EXOC2: variants seen among roughly 807,000 people sequenced by gnomAD.
EXOC2 encodes the protein SEC5-like 1.
A neutral mutation model predicts 131.8 loss-of-function variants in EXOC2; 70 were observed. That is an observed-to-expected ratio of 0.53 (90% CI 0.44 to 0.65). The LOEUF is 0.65. Among genes scored for constraint, EXOC2 ranks in the 30% least tolerant of loss-of-function variants. The pLI, the probability that EXOC2 is intolerant of heterozygous loss-of-function variation, is 0.00. For synonymous variants in EXOC2, 411 were observed against 398.4 expected (o/e 1.03, Z -0.38); for missense variants, 923 against 1,108.6 (o/e 0.83, Z 2.38).
At chr6:638,856 G>A (rs2127718143) in intron 1 of EXOC2, among the ~76,000 whole-genome samples, 1 of 152,284 alleles carries the variant, frequency 6.6e-6, no homozygotes, top group African/African-American at 2.4e-5. Flanking sequence ...TTGAACCCAG[G>A]AGGCGGAGGT....
intron 15 of EXOC2, 31 bp downstream of exon 15, chr6:564,514 C>T (rs754288507): frequency 1.3e-5 from 21 of 1,612,384 alleles, no homozygotes; most frequent in Non-Finnish European, 1.6e-5. Context: ...AACAGAAGTA[C>T]GCCTTTCTCT....
At chr6:634,547 T>G (rs1762009326) in intron 2 of EXOC2, among the ~76,000 whole-genome samples, 1 of 152,234 alleles carries the variant, frequency 6.6e-6, no homozygotes. Context: ...TCATCTTTTG[T>G]TCCAACTTAA....
intron 23 of EXOC2, among the ~76,000 whole-genome samples, chr6:505,600 A>T (rs956705806): frequency 3.9e-5 from 6 of 151,966 alleles, no homozygotes; most frequent in South Asian, 2.1e-4. Flanking sequence ...GCCCCACCCC[A>T]CTCTGCATTC....
At chr6:509,757 A>C (rs1581334495) in intron 23 of EXOC2, among the ~76,000 whole-genome samples, 1 of 152,174 alleles carries the variant, frequency 6.6e-6, no homozygotes, top group Non-Finnish European at 1.5e-5. Flanking sequence ...TTGTAATTGG[A>C]AAGACGGCTC....
At chr6:508,029 T>A (rs935986053) in intron 23 of EXOC2, among the ~76,000 whole-genome samples, 6 of 152,216 alleles carry the variant, frequency 3.9e-5, no homozygotes, top group Admixed American at 3.9e-4. Flanking sequence ...TTCTTCCAGA[T>A]CTTTTCCTAT....
intron 1 of EXOC2, chr6:670,400 G>A (rs923532468): frequency 6.6e-6 from 1 of 152,026 alleles, no homozygotes; most frequent in Non-Finnish European, 1.5e-5. Context: ...CTCCTACTGA[G>A]GTCACAGCAA....
At chr6:546,711 T>G (rs142242637) in intron 22 of EXOC2, among the ~76,000 whole-genome samples, 29 of 152,358 alleles carry the variant, frequency 1.9e-4, no homozygotes, top group African/African-American at 4.8e-4. Context: ...TCCTAATAAT[T>G]GTCTTAACAT....
intron 23 of EXOC2, among the ~76,000 whole-genome samples, chr6:509,219 T>C (rs1764721702): frequency 6.6e-6 from 1 of 152,220 alleles, no homozygotes; most frequent in South Asian, 2.1e-4. Context: ...ATTCTCCTAC[T>C]ATGGGGAACT....
chr6:686,466 C>A (rs1764659727), intron 1 of EXOC2, among the ~76,000 whole-genome samples: 1 of 151,978 alleles, frequency 6.6e-6, no homozygotes, highest in Non-Finnish European at 1.5e-5. Context: ...TAAAGGCCTT[C>A]CCTCCCTCTA....
At chr6:539,023 T>C (rs1766636772) in intron 22 of EXOC2, among the ~76,000 whole-genome samples, 1 of 147,594 alleles carries the variant, frequency 6.8e-6, no homozygotes, top group African/African-American at 2.5e-5. Flanking sequence ...TGAGCCAAGA[T>C]CACACCACTG....
chr6:566,021 C>G (rs189700179), intron 13 of EXOC2, among the ~76,000 whole-genome samples: 3 of 152,052 alleles, frequency 2.0e-5, no homozygotes, highest in Non-Finnish European at 4.4e-5. Context: ...CTGTAGTTTC[C>G]ATTCATTTTT....
At chr6:524,888 G>A (rs1204072524) in intron 23 of EXOC2, 2 of 14,604 alleles carry the variant, frequency 1.4e-4, no homozygotes, top group African/African-American at 1.4e-3. Flanking sequence ...AGTTTCCATC[G>A]AGTGTTTCTT....
At chr6:501,080 A>C (rs1291347626) in intron 23 of EXOC2, among the ~76,000 whole-genome samples, 1 of 128,360 alleles carries the variant, frequency 7.8e-6, no homozygotes, top group African/African-American at 3.0e-5. Flanking sequence ...ATATCTATAT[A>C]TCTATTGGCT....
chr6:685,391 T>C (rs1180224903), intron 1 of EXOC2, among the ~76,000 whole-genome samples: 1 of 152,216 alleles, frequency 6.6e-6, no homozygotes, highest in East Asian at 1.9e-4. Flanking sequence ...ACCAAATCTT[T>C]CTAGAGTCAG....
At chr6:555,186 C>T in intron 20 of EXOC2, 41 bp downstream of exon 20, 4 of 1,211,878 alleles carry the variant, frequency 3.3e-6, no homozygotes, top group Non-Finnish European at 4.5e-6. Flanking sequence ...ATTTTTAATT[C>T]TCTTAAATGC....
Position 556,025 on chromosome 6 carries a change from A to C in EXOC2, c.1933-12T>G. On this transcript the variant is annotated splice_polypyrimidine_tract_variant and intron_variant, in intron 18 of 27. Coordinates refer to ENST00000230449, the MANE Select transcript of EXOC2 (RefSeq NM_018303.6). ...GGTTGTTGGAAGACCTGTAAGGAAGAATTTTGATGAAAATTTTTGGACTTT... is the reference window on the plus strand; with the variant it reads ...GGTTGTTGGAAGACCTGTAAGGAAGCATTTTGATGAAAATTTTTGGACTTT... 1.2e-6 allele frequency: 2 copies of C among 1,611,748 alleles called. No individual in the cohort carries two copies. Among genetic ancestry groups the C allele is most frequent in the Non-Finnish European group, 1.7e-6 (2 of 1,179,408 alleles).
At chr6:510,322 TG>T (rs1289378203) in intron 23 of EXOC2, among the ~76,000 whole-genome samples, 1 of 152,206 alleles carries the variant, frequency 6.6e-6, no homozygotes, top group Non-Finnish European at 1.5e-5. Flanking sequence ...ACCCTTCCTA[TG>T]TAGCACATGA....
At chr6:652,696 C>T (rs1038736610) in intron 1 of EXOC2, among the ~76,000 whole-genome samples, 1 of 151,470 alleles carries the variant, frequency 6.6e-6, no homozygotes, top group East Asian at 1.9e-4. Flanking sequence ...GGAATACTGG[C>T]GGGGCTGGGG....
chr6:565,479 T>TA (rs1304815985), intron 13 of EXOC2, among the ~76,000 whole-genome samples: 1 of 152,232 alleles, frequency 6.6e-6, no homozygotes, highest in Non-Finnish European at 1.5e-5. Context: ...TCTTTCCCCT[T>TA]AATGTATGGA....
Sources: allele counts gnomAD v4.1 joint callset (sites outside exome capture counted in the v4.1 genomes callset), GRCh38; gene constraint gnomAD v4.1.1; transcripts MANE v1.5; gene names NCBI Gene and HGNC (gene_info 2026-07-23, HGNC 2026-07-21).